Variants in LNPEP observed in about 807,000 individuals in gnomAD.
LNPEP encodes the protein leucyl and cystinyl aminopeptidase.
In LNPEP, 64 loss-of-function variants were observed where a neutral mutation model predicts 120.6. That is an observed-to-expected ratio of 0.53 (90% CI 0.43 to 0.65). The LOEUF (loss-of-function observed/expected upper bound fraction) is 0.65, where lower values mean the gene tolerates loss of function less well. LNPEP is among the 30% of genes least tolerant of loss of function. The pLI is 0.00. For missense variants in LNPEP, 1,057 were observed against 1,200.0 expected (o/e 0.88, Z 1.76); for synonymous variants, 435 against 425.4 (o/e 1.02, Z -0.28).
rs1167974757 is a variant in LNPEP at position 96,974,882 on chromosome 5, C to A, written c.20-4256C>A. Among the ~76,000 whole-genome samples, 12 of 152,058 alleles carry A rather than the reference C, an allele frequency of 7.9e-5. 1 individual carries two copies. The highest frequency in any genetic ancestry group is 7.9e-4 in the Admixed American group (12 of 15,242). On this transcript the variant is annotated intron_variant, in intron 1 of 17. Coordinates refer to ENST00000231368, the MANE Select transcript of LNPEP (RefSeq NM_005575.3). ...TGATTTTCCTACCTTTGGTCCATTT[C>A]TTCTCCTTTGCTGACCTTCTTCCTC...
chr5:97,005,198 G>A, intron 9 of LNPEP, among the ~76,000 whole-genome samples: 1 of 152,264 alleles, frequency 6.6e-6, no homozygotes, highest in Admixed American at 6.5e-5. Flanking sequence ...TGGTGATTGA[G>A]GTGAGGCCTG....
chr5:96,980,060 C>A (rs530298945), intron 2 of LNPEP, 82 bp downstream of exon 2: 11 of 1,296,804 alleles, frequency 8.5e-6, no homozygotes, highest in African/African-American at 3.0e-5. Context: ...ACCAGAGACA[C>A]GAATTGTGAT....
chr5:96,998,685 G>A (rs1248742439), intron 8 of LNPEP, among the ~76,000 whole-genome samples: 1 of 152,140 alleles, frequency 6.6e-6, no homozygotes, highest in East Asian at 1.9e-4. Flanking sequence ...TTTATGTTGT[G>A]GGGAGGGATG....
chr5:97,001,462 T>G (rs1398929590), intron 8 of LNPEP, among the ~76,000 whole-genome samples: 2 of 152,048 alleles, frequency 1.3e-5, no homozygotes, highest in Non-Finnish European at 2.9e-5. Flanking sequence ...GAGATATGGA[T>G]TAGATATCCA....
In LNPEP at chr5:97,015,032, G is replaced by A. The variant is rs900201851; in HGVS notation, c.2313G>A (p.Gln771=). 3.7e-6 allele frequency: 6 copies of A among 1,603,690 alleles called. No homozygotes were observed. In the Admixed American group the frequency reaches 1.0e-4, roughly 27 times the overall value. The change falls in exon 13 of 18, where the codon CAG becomes CAA. Residue 771 remains glutamine, a synonymous_variant. Coordinates refer to ENST00000231368, the MANE Select transcript of LNPEP (RefSeq NM_005575.3). ...CACCCATCACCGAAGCCCTGTTTCA[G>A]ACAGACCTCATCTATAACCTCCTTG... is the stretch of plus-strand genomic sequence containing the variant. ...HTAPITEALF[Q]TDLIYNLLEK...
At position 97,028,848 on chromosome 5, in the gene LNPEP, TCAGTATC is replaced by T. The variant is rs1186057422; in HGVS notation, c.*319_*325del. ...CTGTTTTGGAATTCTGTTCTATTCC[TCAGTATC>T]CAGAAAGTTACTGACACAGTAAAAC... On this transcript the variant is annotated 3_prime_UTR_variant, in exon 18 of 18. Coordinates refer to ENST00000231368, the MANE Select transcript of LNPEP (RefSeq NM_005575.3). The T allele has an allele frequency of 4.5e-6, 1 of 220,846 alleles. No individual in the cohort carries two copies. The highest frequency in any genetic ancestry group is 9.0e-6 in the Non-Finnish European group (1 of 111,646). The allele number at this position is 220,846 out of a possible 1,614,324, so 13.7% of individuals were successfully genotyped here. A position where few individuals can be genotyped will look rare whatever the true frequency, so the allele number is the denominator to read the frequency against.
intron 1 of LNPEP, among the ~76,000 whole-genome samples, chr5:96,974,876 C>G (rs1221933463): frequency 6.6e-6 from 1 of 152,070 alleles, no homozygotes; most frequent in Admixed American, 6.6e-5. Context: ...TACCTTTGGT[C>G]CATTTCTTCT....
At position 97,028,708 on chromosome 5, in the gene LNPEP, C is replaced by T; in HGVS notation, c.*175C>T. 1 of 594,380 alleles carries T rather than the reference C, an allele frequency of 1.7e-6. No homozygotes were observed. The highest frequency in any genetic ancestry group is 2.9e-6 in the Non-Finnish European group (1 of 341,406). 36.8% of individuals were successfully genotyped at this position (594,380 alleles called of 1,614,324 possible). A position where few individuals can be genotyped will look rare whatever the true frequency, so the allele number is the denominator to read the frequency against. ...TTTTCATCCATCTTTTCTGAAGTGT[C>T]TTTGGGCAGTATGTAGTTATTTATT... On this transcript the variant is annotated 3_prime_UTR_variant, in exon 18 of 18. Transcript: ENST00000231368.
chr5:97,010,962 C>G, intron 11 of LNPEP: 1 of 985,372 alleles, frequency 1.0e-6, no homozygotes, highest in African/African-American at 1.7e-5. Flanking sequence ...GTGCTGTTGG[C>G]TGTACTGCTT....
At position 96,954,766 on chromosome 5, in the gene LNPEP, ATATATATT is replaced by A. The variant is rs1238549092; in HGVS notation, c.19+18594_19+18601del. 2.2e-4 allele frequency among the ~76,000 whole-genome samples: 9 copies of A among 40,956 alleles called. 1 individual carries two copies. Among genetic ancestry groups the A allele is most frequent in the Middle Eastern group, 8.5e-3 (1 of 118 alleles). 26.9% of individuals were successfully genotyped at this position (40,956 alleles called of 152,430 possible). On this transcript the variant is annotated intron_variant, in intron 1 of 17. Coordinates refer to ENST00000231368, the MANE Select transcript of LNPEP (RefSeq NM_005575.3). ...TATATACACATATATATATATATAT[ATATATATT>A]TTTTTTTTTTTTTTTTTTTTTTTTT... is the stretch of plus-strand genomic sequence containing the variant.
intron 13 of LNPEP, 54 bp downstream of exon 13, chr5:97,015,149 A>G: frequency 7.7e-7 from 1 of 1,303,804 alleles, no homozygotes; most frequent in Non-Finnish European, 1.0e-6. Flanking sequence ...ATTGTTATTC[A>G]TGGTTCCATT....
At chr5:96,953,959 T>G (rs1789381814) in intron 1 of LNPEP, among the ~76,000 whole-genome samples, 2 of 152,230 alleles carry the variant, frequency 1.3e-5, no homozygotes, top group Admixed American at 1.3e-4. Context: ...GGTTAAGGAT[T>G]GCTCACCAAG....
In LNPEP at chr5:96,979,745, T is replaced by C; in HGVS notation, c.627T>C (p.Leu209=). 1 of 1,614,070 alleles carries C rather than the reference T, an allele frequency of 6.2e-7. No homozygotes were observed. The highest frequency in any genetic ancestry group is 8.5e-7 in the Non-Finnish European group (1 of 1,179,964). Residue 209 remains leucine (L), a synonymous_variant, in exon 2 of 18, where the codon CTT becomes CTC. Coordinates refer to ENST00000231368, the MANE Select transcript of LNPEP (RefSeq NM_005575.3). ...TTCAGGTCACATGGAATATCATTCT[T>C]CATAGCACAGGTCATAATATTTCAA... The part of the protein sequence containing the change: ...QALQVTWNII[L]HSTGHNISRV...
Position 97,030,284 on chromosome 5 carries a change from T to G in LNPEP, c.*1751T>G, listed in dbSNP as rs1791442101. On this transcript the variant is annotated 3_prime_UTR_variant, in exon 18 of 18. Coordinates refer to ENST00000231368, the MANE Select transcript of LNPEP (RefSeq NM_005575.3). ...AATCACAGAATCATCTAAATATGTC[T>G]TATTCAACTGAAGTGATTGTAAGTC... 1 of 152,188 alleles carries G rather than the reference T, an allele frequency of 6.6e-6. No homozygotes were observed. Among genetic ancestry groups the G allele is most frequent in the East Asian group, 1.9e-4 (1 of 5,198 alleles). The allele number at this position is 152,188 out of a possible 1,614,324, so 9.4% of individuals were successfully genotyped here.
At chr5:96,973,545 A>G (rs893124042) in intron 1 of LNPEP, among the ~76,000 whole-genome samples, 1 of 152,126 alleles carries the variant, frequency 6.6e-6, no homozygotes, top group Non-Finnish European at 1.5e-5. Flanking sequence ...TCTAAAAAAT[A>G]ACAGTATAAC....
At chr5:97,005,050 G>A (rs990242934) in intron 9 of LNPEP, among the ~76,000 whole-genome samples, 8 of 152,218 alleles carry the variant, frequency 5.3e-5, no homozygotes, top group Middle Eastern at 3.4e-3. Context: ...ACACCCAAAA[G>A]CACCTTGGTT....
chr5:96,962,081 T>C (rs1789620130), intron 1 of LNPEP, among the ~76,000 whole-genome samples: 1 of 152,174 alleles, frequency 6.6e-6, no homozygotes, highest in African/African-American at 2.4e-5. Context: ...GGAGTTGTGT[T>C]TATCTCTAGA....
intron 1 of LNPEP, among the ~76,000 whole-genome samples, chr5:96,971,125 T>C (rs986445025): frequency 6.6e-6 from 1 of 152,074 alleles, no homozygotes; most frequent in Admixed American, 6.6e-5. Flanking sequence ...TTTTGAAGCA[T>C]ATTTTCACTG....
intron 8 of LNPEP, 25 bp downstream of exon 8, chr5:96,998,170 C>T: frequency 6.4e-7 from 1 of 1,557,414 alleles, no homozygotes; most frequent in Non-Finnish European, 8.7e-7. Context: ...AAAAAGGTAG[C>T]TGGAGTGGGT....
Sources: gnomAD v4.1 joint callset for allele counts (sites outside exome capture counted in the v4.1 genomes callset) on GRCh38, gnomAD v4.1.1 for gene constraint, MANE v1.5 for transcripts, NCBI Gene and HGNC (gene_info 2026-07-23, HGNC 2026-07-21) for gene names.